The following NEK4 variants were observed in gnomAD, a reference collection of about 807,000 sequenced individuals.
NEK4 encodes NIMA related kinase 4.
NEK4 carries 86 observed loss-of-function variants against 98.4 expected under a neutral mutation model. That is an observed-to-expected ratio of 0.87 (90% CI 0.73 to 1.05). The LOEUF is 1.05. Ranked by LOEUF, NEK4 falls within the 50% of genes least tolerant of loss-of-function variation. NEK4 has a pLI of 0.00. For missense variants in NEK4, 898 were observed against 950.3 expected, an observed-to-expected ratio of 0.94 and a Z score of 0.72; for synonymous variants, 328 against 342.2, an observed-to-expected ratio of 0.96 and a Z score of 0.46.
At chr3:52,726,178 T>C (rs1229354099) in intron 15 of NEK4, among the ~76,000 whole-genome samples, 1 of 152,142 alleles carries the variant, frequency 6.6e-6, no homozygotes, top group African/African-American at 2.4e-5. Flanking sequence ...TGCACCTAAA[T>C]GTACAAATGA....
intron 15 of NEK4, among the ~76,000 whole-genome samples, chr3:52,719,765 C>T (rs1261911091): frequency 6.6e-6 from 1 of 151,706 alleles, no homozygotes; most frequent in East Asian, 1.9e-4. Context: ...AATTCTAGAG[C>T]TAAAAAGTAC....
Position 52,709,692 on chromosome 3 carries a change from C to A in NEK4, c.*2085G>T, listed in dbSNP as rs1297468527. The stretch of plus-strand genomic sequence containing the variant: ...CTCCAGGCTGGGTGACAGAGCAAGA[C>A]CCTGTCTCAAAAAAAAAAAAAAAAA... On this transcript the variant is annotated 3_prime_UTR_variant, in exon 16 of 16. Coordinates refer to ENST00000233027, the MANE Select transcript of NEK4 (RefSeq NM_003157.6). 1 of 114,240 alleles carries A rather than the reference C, an allele frequency of 8.8e-6. No homozygotes were observed. The highest frequency in any genetic ancestry group is 3.3e-5 in the African/African-American group (1 of 30,670). The allele number at this position is 114,240 out of a possible 1,614,324, so 7.1% of individuals were successfully genotyped here.
At chr3:52,769,452 A>G (rs1268305818) in intron 1 of NEK4, among the ~76,000 whole-genome samples, 1 of 152,216 alleles carries the variant, frequency 6.6e-6, no homozygotes, top group Non-Finnish European at 1.5e-5. Flanking sequence ...ATTGCCCTCA[A>G]TCATTTCAAA....
Position 52,765,893 on chromosome 3 carries a change from T to C in NEK4, c.660A>G (p.Glu220=). 1 of 1,586,140 alleles carries C rather than the reference T, an allele frequency of 6.3e-7. No homozygotes were observed. Among genetic ancestry groups the C allele is most frequent in the Non-Finnish European group, 8.7e-7 (1 of 1,155,038 alleles). ...GTTCTAGATTATTCTTTACCTTTCC[T>C]TCAATAATCCGATAAACTAAAGAAT... ...DMNSLVYRII[E]GKLPPMPRDY... Residue 220 remains glutamate, a synonymous_variant, in exon 4 of 16, where the codon GAA becomes GAG. Transcript: ENST00000233027.
rs1561275194 is a variant in NEK4, at chr3:52,708,762, A to C, written c.*3015T>G. 2 of 152,204 alleles carry C rather than the reference A, an allele frequency of 1.3e-5. No individual in the cohort carries two copies. Among genetic ancestry groups the C allele is most frequent in the African/African-American group, 4.8e-5 (2 of 41,450 alleles). The allele number at this position is 152,204 out of a possible 1,614,324, so 9.4% of individuals were successfully genotyped here. A position where few individuals can be genotyped will look rare whatever the true frequency, so the allele number is the denominator to read the frequency against. ...AAAGCAACAGGAAAAAAAAAACTGC[A>C]AGCAGTAAAGGTTGTGCAGGTGATA... On this transcript the variant is annotated 3_prime_UTR_variant, in exon 16 of 16. Transcript: ENST00000233027.
rs1413159559 is a variant in NEK4, at chr3:52,709,335, A to T, written c.*2442T>A. Reference sequence around the variant, plus strand: ...ATTAATTTAGGAAGATGAATTAAGCACTCAAGTAAAAACGATAAAAGTGGG... The same window carrying T: ...ATTAATTTAGGAAGATGAATTAAGCTCTCAAGTAAAAACGATAAAAGTGGG... On this transcript the variant is annotated 3_prime_UTR_variant, in exon 16 of 16. Transcript: ENST00000233027. The T allele has an allele frequency of 6.6e-6, 1 of 152,206 alleles. No homozygotes were observed. The highest frequency in any genetic ancestry group is 1.5e-5 in the Non-Finnish European group (1 of 68,044). 9.4% of individuals were successfully genotyped at this position (152,206 alleles called of 1,614,324 possible). A position where few individuals can be genotyped will look rare whatever the true frequency, so the allele number is the denominator to read the frequency against.
chr3:52,759,105 G>GAA (rs201147041), intron 6 of NEK4, among the ~76,000 whole-genome samples: 45,645 of 112,222 alleles, frequency 0.41, 8,246 homozygotes, highest in Middle Eastern at 0.54. Flanking sequence ...AAAGAAAAAA[G>GAA]AAAAAAAAAA....
At chr3:52,742,976 G>C (rs558540024) in intron 12 of NEK4, among the ~76,000 whole-genome samples, 118 of 151,992 alleles carry the variant, frequency 7.8e-4, no homozygotes, top group African/African-American at 2.6e-3. Flanking sequence ...TTAGAGACAG[G>C]GTCCAACTAT....
rs528207369 is a variant in NEK4, at chr3:52,766,843, G to A, written c.361-468C>T. ...CTACTAAAAATACAAAAAATTAGCC[G>A]GGCGCAGTGGCGGGCGCCTGTAGTC... On this transcript the variant is annotated intron_variant, in intron 2 of 15. Transcript: ENST00000233027. Among the ~76,000 whole-genome samples the A allele has an allele frequency of 1.3e-3, 200 of 152,198 alleles. 2 individuals are homozygous for A. The highest frequency in any genetic ancestry group is 4.2e-3 in the African/African-American group (175 of 41,542).
chr3:52,769,825 A>G (rs995159894), intron 1 of NEK4, among the ~76,000 whole-genome samples: 5 of 152,242 alleles, frequency 3.3e-5, no homozygotes, highest in African/African-American at 1.2e-4. Context: ...TAATTGGTTC[A>G]TTATCCTGAG....
At chr3:52,714,060 CT>C (rs1194351173) in intron 15 of NEK4, among the ~76,000 whole-genome samples, 2 of 152,042 alleles carry the variant, frequency 1.3e-5, no homozygotes, top group African/African-American at 4.8e-5. Context: ...CATGGTGAAA[CT>C]TTGTCTCTAC....
chr3:52,730,137 G>A (rs984793624), intron 15 of NEK4, among the ~76,000 whole-genome samples: 5 of 152,106 alleles, frequency 3.3e-5, no homozygotes, highest in African/African-American at 1.2e-4. Flanking sequence ...AAAAAGAATT[G>A]TAAGAGAACT....
At chr3:52,754,664 C>T (rs2097411537) in intron 6 of NEK4, 2 of 636,310 alleles carry the variant, frequency 3.1e-6, no homozygotes, top group Admixed American at 1.9e-5. Context: ...TACAATCTTT[C>T]AGTAAAGAAG....
chr3:52,742,142 A>C (rs1259770534), intron 12 of NEK4, among the ~76,000 whole-genome samples: 1 of 152,126 alleles, frequency 6.6e-6, no homozygotes, highest in Non-Finnish European at 1.5e-5. Context: ...AGGACAGTGG[A>C]TGGCTAGTTC....
intron 12 of NEK4, among the ~76,000 whole-genome samples, chr3:52,741,762 GT>G (rs1341733326): frequency 5.9e-5 from 9 of 151,468 alleles, no homozygotes; most frequent in Non-Finnish European, 1.0e-4. Flanking sequence ...TTTTTATTTT[GT>G]TTGTTTTTTT....
chr3:52,722,833 C>A (rs149963521), intron 15 of NEK4, among the ~76,000 whole-genome samples: 49 of 152,252 alleles, frequency 3.2e-4, no homozygotes, highest in African/African-American at 1.1e-3. Context: ...TGAGCCCAGG[C>A]TGCAGTGAGC....
At chr3:52,756,746 C>T (rs2097415724) in intron 6 of NEK4, among the ~76,000 whole-genome samples, 1 of 152,118 alleles carries the variant, frequency 6.6e-6, no homozygotes, top group South Asian at 2.1e-4. Flanking sequence ...AAGAAAAAGA[C>T]ACACTGGATT....
intron 15 of NEK4, among the ~76,000 whole-genome samples, chr3:52,719,475 C>G (rs899662386): frequency 6.6e-6 from 1 of 151,352 alleles, no homozygotes; most frequent in Non-Finnish European, 1.5e-5. Flanking sequence ...CCCAGTTACT[C>G]GGAAGGCTGA....
chr3:52,766,953 T>C (rs1698587837), intron 2 of NEK4, among the ~76,000 whole-genome samples: 1 of 150,876 alleles, frequency 6.6e-6, no homozygotes, highest in East Asian at 2.0e-4. Flanking sequence ...GCCACTGCAG[T>C]CCGTAGTCCG....
Sources: gnomAD v4.1 joint callset for allele counts (sites outside exome capture counted in the v4.1 genomes callset) on GRCh38, gnomAD v4.1.1 for gene constraint, MANE v1.5 for transcripts, NCBI Gene and HGNC (gene_info 2026-07-23, HGNC 2026-07-21) for gene names.